RGS3: variants seen among roughly 807,000 people sequenced by gnomAD.
The protein encoded by RGS3 is regulator of G protein signaling 3.
Under a neutral mutation model 132.6 loss-of-function variants are expected in RGS3, and 80 were observed. The observed-to-expected ratio is 0.60, with a 90% CI of 0.50 to 0.73. The LOEUF (loss-of-function observed/expected upper bound fraction) is 0.73, where lower values mean the gene tolerates loss of function less well. RGS3 is among the 30% of genes least tolerant of loss of function. RGS3 has a pLI of 0.00. For missense variants in RGS3, 1,382 were observed against 1,530.8 expected (o/e 0.90, Z 1.62); for synonymous variants, 598 against 620.6 (o/e 0.96, Z 0.54).
At chr9:113,446,529 C>T (rs1206039374) in intron 1 of RGS3, among the ~76,000 whole-genome samples, 2 of 152,170 alleles carry the variant, frequency 1.3e-5, no homozygotes, top group Non-Finnish European at 2.9e-5. Flanking sequence ...GTCCCCACAA[C>T]CAAAGAAACG....
chr9:113,536,411 CCA>C (rs1352036726), intron 18 of RGS3: 16 of 888,942 alleles, frequency 1.8e-5, no homozygotes, highest in Non-Finnish European at 2.2e-5. Flanking sequence ...GTTCCTGGCT[CCA>C]CAGAGAATCA....
At chr9:113,553,014 A>G (rs960258552) in intron 19 of RGS3, among the ~76,000 whole-genome samples, 1 of 152,140 alleles carries the variant, frequency 6.6e-6, no homozygotes, top group Non-Finnish European at 1.5e-5. Context: ...CCCCAAGCCC[A>G]TTTCCAATCA....
chr9:113,469,042 A>ATTT (rs145400431), intron 3 of RGS3, among the ~76,000 whole-genome samples: 34 of 102,108 alleles, frequency 3.3e-4, no homozygotes, highest in South Asian at 6.2e-4. Flanking sequence ...TTTGCTCAGC[A>ATTT]TTTTTTTTTT....
chr9:113,445,188 C>CT (rs763073048), intron 1 of RGS3, among the ~76,000 whole-genome samples: 2,897 of 142,828 alleles, frequency 0.02, 69 homozygotes, highest in African/African-American at 0.056. Context: ...TTTTCTTTTT[C>CT]TTTTTTTTTT....
chr9:113,509,322 G>A (rs2119339389), intron 14 of RGS3, among the ~76,000 whole-genome samples: 1 of 152,044 alleles, frequency 6.6e-6, no homozygotes, highest in Admixed American at 6.6e-5. Context: ...CTGAGCCTCA[G>A]TTTCTTCATT....
intron 19 of RGS3, among the ~76,000 whole-genome samples, chr9:113,545,565 GT>G (rs1268116162): frequency 6.6e-6 from 1 of 151,954 alleles, no homozygotes; most frequent in Non-Finnish European, 1.5e-5. Flanking sequence ...TCTTGCTATT[GT>G]TTTTTTTAGC....
intron 1 of RGS3, among the ~76,000 whole-genome samples, chr9:113,446,641 A>G (rs913983470): frequency 6.6e-6 from 1 of 152,188 alleles, no homozygotes; most frequent in African/African-American, 2.4e-5. Flanking sequence ...CCTCGAGAGA[A>G]GGGTCTGTGC....
intron 1 of RGS3, among the ~76,000 whole-genome samples, chr9:113,452,890 T>C (rs1044758036): frequency 4.6e-4 from 58 of 127,150 alleles, no homozygotes; most frequent in African/African-American, 1.7e-3. Flanking sequence ...ATTGGGTCTT[T>C]TTATATATAT....
intron 13 of RGS3, among the ~76,000 whole-genome samples, chr9:113,508,028 A>G (rs897321552): frequency 6.6e-6 from 1 of 152,188 alleles, no homozygotes; most frequent in African/African-American, 2.4e-5. Context: ...TCCCCAAAAC[A>G]TTAGTCCCAT....
intron 17 of RGS3, among the ~76,000 whole-genome samples, chr9:113,528,559 A>G (rs1832322817): frequency 6.6e-6 from 1 of 152,150 alleles, no homozygotes; most frequent in Admixed American, 6.5e-5. Context: ...CGGCGTTGAC[A>G]TTGGACCTTA....
At chr9:113,541,498 C>T (rs955908698) in intron 19 of RGS3, 12 of 1,577,426 alleles carry the variant, frequency 7.6e-6, no homozygotes, top group Admixed American at 1.7e-5. Flanking sequence ...CACACAGTAA[C>T]CTCACCTCAA....
chr9:113,470,644 A>C (rs1193196041), intron 3 of RGS3, among the ~76,000 whole-genome samples: 1 of 152,152 alleles, frequency 6.6e-6, no homozygotes, highest in Admixed American at 6.5e-5. Context: ...TCTACATTGT[A>C]GGTGTGCTGT....
intron 1 of RGS3, among the ~76,000 whole-genome samples, chr9:113,448,177 C>T (rs528843610): frequency 7.2e-5 from 11 of 151,956 alleles, no homozygotes; most frequent in East Asian, 1.9e-4. Flanking sequence ...ATCTTTACCC[C>T]GACCATCCAT....
chr9:113,591,469 G>C lies in RGS3; in HGVS notation c.3080+72G>C, dbSNP rs1405430928. The C allele has an allele frequency of 3.0e-6, 4 of 1,324,002 alleles. No individual in the cohort carries two copies. The highest frequency in any genetic ancestry group is 3.3e-6 in the Non-Finnish European group (3 of 918,430). 82.0% of individuals were successfully genotyped at this position (1,324,002 alleles called of 1,614,324 possible). Reference sequence around the variant, plus strand: ...CCCCAGGGCTTGTCTCTCCTCTAGGGGTCCAGGTGGGGAGAAGAGGTTGTG... The same window carrying C: ...CCCCAGGGCTTGTCTCTCCTCTAGGCGTCCAGGTGGGGAGAAGAGGTTGTG... On this transcript the variant is annotated intron_variant, in intron 21 of 24. Coordinates refer to ENST00000350696, the Ensembl canonical transcript of RGS3. The surrounding 1 kb of genome is among the most constrained non-coding windows in gnomAD (Gnocchi z 4.4).
intron 19 of RGS3, among the ~76,000 whole-genome samples, chr9:113,544,359 A>G (rs1833025678): frequency 7.2e-6 from 1 of 138,436 alleles, no homozygotes; most frequent in Non-Finnish European, 1.5e-5. Context: ...CTCTTCATCT[A>G]TCCTGTAAGC....
intron 7 of RGS3, among the ~76,000 whole-genome samples, chr9:113,495,438 G>A (rs1038331670): frequency 6.6e-6 from 1 of 152,194 alleles, no homozygotes; most frequent in Non-Finnish European, 1.5e-5. Flanking sequence ...AATGATGTGG[G>A]CAAGGAGGTT....
At chr9:113,557,841 A>G (rs1418194131) in intron 19 of RGS3, among the ~76,000 whole-genome samples, 1 of 152,202 alleles carries the variant, frequency 6.6e-6, no homozygotes, top group South Asian at 2.1e-4. Context: ...GCAGGCCAGC[A>G]TAGGTGGGAA....
At chr9:113,509,344 G>T (rs1170847089) in intron 14 of RGS3, among the ~76,000 whole-genome samples, 4 of 152,122 alleles carry the variant, frequency 2.6e-5, no homozygotes, top group Admixed American at 1.3e-4. Context: ...ATAAAATGGG[G>T]TCAATAATTC....
chr9:113,568,888 C>A (rs1238414646), intron 19 of RGS3, among the ~76,000 whole-genome samples: 2 of 152,186 alleles, frequency 1.3e-5, no homozygotes, highest in Non-Finnish European at 2.9e-5. Flanking sequence ...GGGATGGGGG[C>A]AGGATGGTGG....
Sources: gnomAD v4.1 joint callset for allele counts (sites outside exome capture counted in the v4.1 genomes callset) on GRCh38, gnomAD v4.1.1 for gene constraint, Gnocchi (gnomAD v3.1) non-coding constraint, MANE v1.5 for transcripts, NCBI Gene and HGNC (gene_info 2026-07-23, HGNC 2026-07-21) for gene names.